The following CSGALNACT1 variants were observed in gnomAD, a reference collection of about 807,000 sequenced individuals.
CSGALNACT1 encodes the protein beta4GalNAcT-1.
Under a neutral mutation model 51.0 loss-of-function variants are expected in CSGALNACT1, and 52 were observed. That is an observed-to-expected ratio of 1.02 (90% CI 0.82 to 1.29). CSGALNACT1 has a LOEUF of 1.29. CSGALNACT1 is among the 50% of genes most tolerant of loss of function. The pLI is 0.00. For synonymous variants in CSGALNACT1, 341 were observed against 254.4 expected, an observed-to-expected ratio of 1.34 and a Z score of -3.24; for missense variants, 935 against 679.2, an observed-to-expected ratio of 1.38 and a Z score of -4.19.
intron 5 of CSGALNACT1, among the ~76,000 whole-genome samples, chr8:19,449,204 C>T (rs898076362): frequency 6.6e-6 from 1 of 152,102 alleles, no homozygotes; most frequent in Non-Finnish European, 1.5e-5. Flanking sequence ...CATACATAAC[C>T]CCTGGCTCAA....
At chr8:19,749,087 A>C (rs141458293) in intron 1 of CSGALNACT1, among the ~76,000 whole-genome samples, 20 of 152,096 alleles carry the variant, frequency 1.3e-4, no homozygotes, top group Admixed American at 2.0e-4. Flanking sequence ...CAGTTCATTC[A>C]TTCCGAGATT....
At chr8:19,624,047 T>C (rs921462254) in intron 1 of CSGALNACT1, among the ~76,000 whole-genome samples, 1 of 152,210 alleles carries the variant, frequency 6.6e-6, no homozygotes, top group Non-Finnish European at 1.5e-5. Context: ...AGCAGTGGCA[T>C]AGTAAATTAC....
At chr8:19,730,018 C>T (rs1350276139) in intron 1 of CSGALNACT1, among the ~76,000 whole-genome samples, 1 of 152,184 alleles carries the variant, frequency 6.6e-6, no homozygotes, top group African/African-American at 2.4e-5. Context: ...AGGGAGCGAT[C>T]TCAGACAAAG....
intron 8 of CSGALNACT1, among the ~76,000 whole-genome samples, chr8:19,409,842 G>C (rs2055280598): frequency 6.6e-6 from 1 of 152,086 alleles, no homozygotes; most frequent in South Asian, 2.1e-4. Context: ...ACTTCAGGCA[G>C]CCTCCTTCAC....
At chr8:19,558,405 ACTT>A (rs572605327) in intron 3 of CSGALNACT1, among the ~76,000 whole-genome samples, 66 of 152,268 alleles carry the variant, frequency 4.3e-4, no homozygotes, top group Non-Finnish European at 4.4e-4. Flanking sequence ...TATTTTAGAA[ACTT>A]CTTCTTTACA....
chr8:19,544,202 C>T (rs1353579670), intron 3 of CSGALNACT1, among the ~76,000 whole-genome samples: 3 of 152,008 alleles, frequency 2.0e-5, no homozygotes, highest in Non-Finnish European at 4.4e-5. Flanking sequence ...AAATCTGTTC[C>T]TTGCCAGAGG....
chr8:19,505,531 C>T lies in CSGALNACT1; in HGVS notation c.304G>A (p.Asp102Asn), dbSNP rs201825362. 31 of 1,613,984 alleles carry T rather than the reference C, an allele frequency of 1.9e-5. No individual in the cohort carries two copies. In the Admixed American group the frequency reaches 5.2e-4, roughly 27 times the overall value. The change falls in exon 4 of 10, where the codon GAT (aspartate) becomes AAT (asparagine). Residue 102 changes from aspartate to asparagine, a missense_variant. Coordinates refer to ENST00000454498, the Ensembl canonical transcript of CSGALNACT1. ...CTGTCCAGACCCAGGCCAGCAGCATCGCTGGCTTGGTACTGCCCATTCCTG... is the reference window on the plus strand; with the variant it reads ...CTGTCCAGACCCAGGCCAGCAGCATTGCTGGCTTGGTACTGCCCATTCCTG...
intron 3 of CSGALNACT1, among the ~76,000 whole-genome samples, chr8:19,550,420 A>T (rs1300958655): frequency 6.6e-6 from 1 of 152,144 alleles, no homozygotes; most frequent in East Asian, 1.9e-4. Flanking sequence ...TCCTCACTGA[A>T]TTTTTAATTT....
At chr8:19,610,599 A>C (rs941575000) in intron 1 of CSGALNACT1, among the ~76,000 whole-genome samples, 3 of 152,156 alleles carry the variant, frequency 2.0e-5, no homozygotes, top group Non-Finnish European at 4.4e-5. Flanking sequence ...CAGGCCACCA[A>C]CCAGCAGAAG....
intron 1 of CSGALNACT1, among the ~76,000 whole-genome samples, chr8:19,672,442 G>C (rs920699202): frequency 1.3e-4 from 20 of 152,212 alleles, no homozygotes; most frequent in Admixed American, 6.5e-5. Context: ...CGTAAGGAGT[G>C]AGTCATATCT....
At chr8:19,677,363 G>A (rs777501670) in intron 1 of CSGALNACT1, among the ~76,000 whole-genome samples, 10 of 152,102 alleles carry the variant, frequency 6.6e-5, no homozygotes, top group Admixed American at 2.6e-4. Context: ...CTCCCACCTC[G>A]GCCTCCCAAA....
intron 3 of CSGALNACT1, chr8:19,588,029 A>G (rs1479855679): frequency 6.6e-6 from 1 of 152,132 alleles, no homozygotes; most frequent in Non-Finnish European, 1.5e-5. Context: ...CGTCTCTATA[A>G]AGAATACAAA....
chr8:19,441,863 A>C (rs1442609180), intron 5 of CSGALNACT1, among the ~76,000 whole-genome samples: 1 of 149,594 alleles, frequency 6.7e-6, no homozygotes, highest in African/African-American at 2.4e-5. Flanking sequence ...GAACTCCAAC[A>C]AATTTACAAG....
intron 3 of CSGALNACT1, among the ~76,000 whole-genome samples, chr8:19,527,172 T>A (rs2081888483): frequency 6.6e-6 from 1 of 152,132 alleles, no homozygotes; most frequent in African/African-American, 2.4e-5. Flanking sequence ...AACTAACTGC[T>A]AGGACAGAGG....
Position 19,407,468 on chromosome 8 carries a change from G to C in CSGALNACT1, c.1309+1145C>G, listed in dbSNP as rs567275353. Among the ~76,000 whole-genome samples, 8 of 152,236 alleles carry C rather than the reference G, an allele frequency of 5.3e-5. No individual in the cohort carries two copies. In the South Asian group the frequency reaches 1.5e-3, roughly 28 times the overall value. Reference sequence around the variant, plus strand: ...CCTGCACCTGAGATCAACGTTTCGGGACTGTTCATTCATACCCAGGTCGTG... The same window carrying C: ...CCTGCACCTGAGATCAACGTTTCGGCACTGTTCATTCATACCCAGGTCGTG... On this transcript the variant is annotated intron_variant, in intron 9 of 9. Coordinates refer to ENST00000454498, the Ensembl canonical transcript of CSGALNACT1.
intron 3 of CSGALNACT1, among the ~76,000 whole-genome samples, chr8:19,514,829 T>C (rs547511866): frequency 1.3e-5 from 2 of 151,810 alleles, no homozygotes; most frequent in South Asian, 4.2e-4. Flanking sequence ...TGAAACTCCG[T>C]CTCCAAAAGA....
intron 3 of CSGALNACT1, among the ~76,000 whole-genome samples, chr8:19,585,868 G>T (rs1190415047): frequency 6.6e-6 from 1 of 152,156 alleles, no homozygotes; most frequent in African/African-American, 2.4e-5. Context: ...CCCTTCAACA[G>T]TGCTGCCCCT....
intron 1 of CSGALNACT1, among the ~76,000 whole-genome samples, chr8:19,689,438 C>T (rs2061166365): frequency 6.6e-6 from 1 of 152,154 alleles, no homozygotes; most frequent in Admixed American, 6.5e-5. Flanking sequence ...GCATGGAACC[C>T]AAACCTTCCA....
At chr8:19,566,356 T>C (rs1222595037) in intron 3 of CSGALNACT1, among the ~76,000 whole-genome samples, 1 of 152,158 alleles carries the variant, frequency 6.6e-6, no homozygotes, top group Admixed American at 6.5e-5. Flanking sequence ...AGAGGAAGCG[T>C]GGCCCTGCTG....
Sources: allele counts gnomAD v4.1 joint callset (sites outside exome capture counted in the v4.1 genomes callset), GRCh38; gene constraint gnomAD v4.1.1; transcripts MANE v1.5; gene names NCBI Gene and HGNC (gene_info 2026-07-23, HGNC 2026-07-21).